KRAS: variants seen among roughly 807,000 people sequenced by gnomAD.
KRAS encodes the protein KRas proto-oncogene, GTPase, also known as GTPase KRas.
In KRAS, 1 loss-of-function variant was observed where a neutral mutation model predicts 21.0. That is an observed-to-expected ratio of 0.05 (90% CI 0.02 to 0.23). The LOEUF is 0.23. Among genes scored for constraint, KRAS ranks in the 10% least tolerant of loss-of-function variants. KRAS has a pLI of 1.00. For missense variants in KRAS, 107 were observed against 221.8 expected, an observed-to-expected ratio of 0.48 and a Z score of 3.29; for synonymous variants, 67 against 72.5, an observed-to-expected ratio of 0.92 and a Z score of 0.39.
At chr12:25,230,025 G>C (rs1407789085) in intron 2 of KRAS, among the ~76,000 whole-genome samples, 10 of 152,086 alleles carry the variant, frequency 6.6e-5, no homozygotes, top group Admixed American at 6.5e-4. Context: ...GCACGCCTCA[G>C]CCTCTCAAAG....
At chr12:25,217,203 G>A (rs1268866275) in intron 4 of KRAS, among the ~76,000 whole-genome samples, 1 of 152,082 alleles carries the variant, frequency 6.6e-6, no homozygotes, top group Admixed American at 6.6e-5. Flanking sequence ...TAAACCAATG[G>A]CTAGGGCTTA....
intron 1 of KRAS, among the ~76,000 whole-genome samples, chr12:25,246,069 A>T (rs1320246514): frequency 6.6e-6 from 1 of 151,214 alleles, no homozygotes; most frequent in Non-Finnish European, 1.5e-5. Context: ...ATCTCTGGGG[A>T]AAATAGGAGT....
Position 25,205,250 on chromosome 12 carries a change from CTG to C in KRAS, c.*4543_*4544del, listed in dbSNP as rs1375242593. The C allele has an allele frequency of 3.3e-5, 7 of 214,828 alleles. No homozygotes were observed. Among genetic ancestry groups the C allele is most frequent in the Non-Finnish European group, 4.7e-5 (5 of 106,278 alleles). The allele number at this position is 214,828 out of a possible 1,614,324, so 13.3% of individuals were successfully genotyped here. On this transcript the variant is annotated 3_prime_UTR_variant, in exon 5 of 5. Transcript: ENST00000311936. ...ATGAATAAATACACACTCATAGTCACTGTAACTATTTTTATTACATTACAATA... is the reference window on the plus strand; with the variant it reads ...ATGAATAAATACACACTCATAGTCACTAACTATTTTTATTACATTACAATA...
chr12:25,210,003 A>C (rs1024868410), intron 4 of KRAS, 92 bp from the exon 5 acceptor site: 3 of 928,762 alleles, frequency 3.2e-6, no homozygotes, highest in South Asian at 3.4e-5. Flanking sequence ...AATATTAAGA[A>C]AGGATTCTTT....
intron 2 of KRAS, among the ~76,000 whole-genome samples, chr12:25,228,575 C>T (rs557483323): frequency 1.1e-4 from 16 of 151,774 alleles, no homozygotes; most frequent in African/African-American, 2.2e-4. Context: ...TTCAAAAAGA[C>T]GAAAAGTAGA....
chr12:25,216,393 G>T (rs1951256315), intron 4 of KRAS, among the ~76,000 whole-genome samples: 1 of 152,148 alleles, frequency 6.6e-6, no homozygotes, highest in Non-Finnish European at 1.5e-5. Context: ...CCCTGCCTCA[G>T]CCTCTCAAAT....
intron 1 of KRAS, among the ~76,000 whole-genome samples, chr12:25,246,729 ACCCGGTGAAAC>A (rs1301873471): frequency 6.6e-6 from 1 of 151,952 alleles, no homozygotes; most frequent in Non-Finnish European, 1.5e-5. Flanking sequence ...ATCCTGGCTA[ACCCGGTGAAAC>A]CCCGTCTCTA....
In KRAS at chr12:25,215,449, T is replaced by C. The variant is rs755967833; in HGVS notation, c.451-5538A>G. ...AACTTAAACTTACCAGATTACATTATAATGCATTTTTTAATTTTCACACAG... is the reference window on the plus strand; with the variant it reads ...AACTTAAACTTACCAGATTACATTACAATGCATTTTTTAATTTTCACACAG... On this transcript the variant is annotated intron_variant, in intron 4 of 4. Transcript: ENST00000311936. The C allele has an allele frequency of 8.7e-6, 14 of 1,612,972 alleles. No individual in the cohort carries two copies. Among genetic ancestry groups the C allele is most frequent in the Middle Eastern group, 1.6e-4 (1 of 6,076 alleles).
intron 4 of KRAS, among the ~76,000 whole-genome samples, chr12:25,210,391 A>C (rs955798672): frequency 1.3e-5 from 2 of 152,192 alleles, no homozygotes; most frequent in Non-Finnish European, 2.9e-5. Flanking sequence ...AATCCATTGG[A>C]TTTAAAAATT....
chr12:25,219,320 G>C (rs1018621431), intron 4 of KRAS, among the ~76,000 whole-genome samples: 3 of 134,818 alleles, frequency 2.2e-5, no homozygotes, highest in African/African-American at 7.7e-5. Flanking sequence ...AGGAACAAAA[G>C]TATACAACTT....
At chr12:25,236,899 C>A (rs1951551507) in intron 2 of KRAS, among the ~76,000 whole-genome samples, 2 of 152,024 alleles carry the variant, frequency 1.3e-5, no homozygotes, top group Admixed American at 6.6e-5. Context: ...TAGATATACA[C>A]CCGAGAGAAG....
chr12:25,234,945 AACTTTT>A, intron 2 of KRAS: 1 of 270,940 alleles, frequency 3.7e-6, no homozygotes, highest in Non-Finnish European at 6.9e-6. Flanking sequence ...AGAAACTAAT[AACTTTT>A]ACTAAAGGTA....
chr12:25,207,872 G>A lies in KRAS; in HGVS notation c.*1923C>T. 1 of 233,192 alleles carries A rather than the reference G, an allele frequency of 4.3e-6. No homozygotes were observed. Among genetic ancestry groups the A allele is most frequent in the African/African-American group, 2.2e-5 (1 of 45,452 alleles). 14.4% of individuals were successfully genotyped at this position (233,192 alleles called of 1,614,324 possible). A position where few individuals can be genotyped will look rare whatever the true frequency, so the allele number is the denominator to read the frequency against. On this transcript the variant is annotated 3_prime_UTR_variant, in exon 5 of 5. Transcript: ENST00000311936. ...GGGCATTTCTGATGTGACTCAGTGG[G>A]AAAACTTCATGGAGATATCCACAGC...
intron 4 of KRAS, among the ~76,000 whole-genome samples, chr12:25,222,647 TTATC>T (rs1468826707): frequency 1.3e-5 from 2 of 152,074 alleles, no homozygotes; most frequent in Non-Finnish European, 2.9e-5. Flanking sequence ...TCAAATTTGT[TTATC>T]TACTTACATA....
Position 25,207,561 on chromosome 12 carries a change from T to A in KRAS, c.*2234A>T, listed in dbSNP as rs984103163. Reference sequence around the variant, plus strand: ...ATGAATTAAAGTATTTTTCATTGCATGAAGATTTCTGGTTACTAAAACAAT... The same window carrying A: ...ATGAATTAAAGTATTTTTCATTGCAAGAAGATTTCTGGTTACTAAAACAAT... On this transcript the variant is annotated 3_prime_UTR_variant, in exon 5 of 5. Coordinates refer to ENST00000311936, the MANE Select transcript of KRAS (RefSeq NM_004985.5). 1 of 225,414 alleles carries A rather than the reference T, an allele frequency of 4.4e-6. No individual in the cohort carries two copies. The highest frequency in any genetic ancestry group is 2.2e-5 in the African/African-American group (1 of 44,906). The allele number at this position is 225,414 out of a possible 1,614,324, so 14.0% of individuals were successfully genotyped here.
intron 4 of KRAS, among the ~76,000 whole-genome samples, chr12:25,214,418 G>C (rs1013314129): frequency 6.8e-6 from 1 of 146,346 alleles, no homozygotes; most frequent in Admixed American, 6.9e-5. Context: ...ACAGAGTTTC[G>C]CTCTTGTTGC....
At chr12:25,241,237 C>A (rs780492398) in intron 2 of KRAS, among the ~76,000 whole-genome samples, 5 of 152,126 alleles carry the variant, frequency 3.3e-5, no homozygotes, top group Admixed American at 1.3e-4. Context: ...AAAAATGATA[C>A]GAAATCAATC....
At chr12:25,223,763 GA>G (rs1470349052) in intron 4 of KRAS, among the ~76,000 whole-genome samples, 1 of 152,052 alleles carries the variant, frequency 6.6e-6, no homozygotes, top group East Asian at 1.9e-4. Flanking sequence ...TAAACTTCTA[GA>G]ACGCTTGTTT....
intron 2 of KRAS, among the ~76,000 whole-genome samples, chr12:25,233,268 G>A (rs899071750): frequency 6.6e-6 from 1 of 152,028 alleles, no homozygotes; most frequent in Non-Finnish European, 1.5e-5. Context: ...GTAGGTTAGG[G>A]CTAGGCACCA....
Sources: allele counts gnomAD v4.1 joint callset (sites outside exome capture counted in the v4.1 genomes callset), GRCh38; gene constraint gnomAD v4.1.1; transcripts MANE v1.5; gene names NCBI Gene and HGNC (gene_info 2026-07-23, HGNC 2026-07-21).